CTNNAL1: variants seen among roughly 807,000 people sequenced by gnomAD.
CTNNAL1 encodes catenin alpha like 1, also known as alpha-catulin.
Under a neutral mutation model 93.6 loss-of-function variants are expected in CTNNAL1, and 69 were observed. The ratio of observed to expected loss-of-function variants is 0.74; its 90% confidence interval spans 0.61 to 0.90. CTNNAL1 has a LOEUF of 0.90. Among genes scored for constraint, CTNNAL1 ranks in the 40% least tolerant of loss-of-function variants. CTNNAL1 has a pLI of 0.00. For missense variants in CTNNAL1, 836 were observed against 862.0 expected (o/e 0.97, Z 0.38); for synonymous variants, 286 against 305.4 (o/e 0.94, Z 0.66).
intron 6 of CTNNAL1, among the ~76,000 whole-genome samples, chr9:108,982,414 T>A (rs1427092347): frequency 6.6e-6 from 1 of 152,196 alleles, no homozygotes. Flanking sequence ...ACTAATACTA[T>A]TACTATAGTC....
intron 1 of CTNNAL1, among the ~76,000 whole-genome samples, chr9:109,008,358 G>C (rs1212080427): frequency 6.6e-6 from 1 of 151,790 alleles, no homozygotes; most frequent in African/African-American, 2.4e-5. Context: ...GGTTGGTCAG[G>C]CAGGTCTCAA....
chr9:108,944,806 A>G (rs1357450581), intron 15 of CTNNAL1, among the ~76,000 whole-genome samples: 1 of 152,168 alleles, frequency 6.6e-6, no homozygotes, highest in Non-Finnish European at 1.5e-5. Flanking sequence ...GAATACTAAG[A>G]AGGAGGAGGC....
rs534166580 is a variant in CTNNAL1, at chr9:108,952,410, T to G, written c.1680+34A>C. The G allele has an allele frequency of 9.4e-5, 152 of 1,614,180 alleles. 1 individual carries two copies. In the South Asian group the frequency reaches 1.5e-3, roughly 16 times the overall value. ...CACAACGACTTTATCACTATTCATG[T>G]TAAAGGAAGATTAGATGTAGGAATT... On this transcript the variant is annotated intron_variant, in intron 13 of 18. Transcript: ENST00000325551.
intron 11 of CTNNAL1, among the ~76,000 whole-genome samples, chr9:108,958,952 G>GAA (rs1310333561): frequency 1.6e-4 from 19 of 121,114 alleles, no homozygotes; most frequent in African/African-American, 4.0e-4. Flanking sequence ...ATTCTAAGCA[G>GAA]AAAAAAAAAA....
At chr9:108,976,552 A>T (rs373121069) in intron 8 of CTNNAL1, among the ~76,000 whole-genome samples, 3 of 151,750 alleles carry the variant, frequency 2.0e-5, no homozygotes, top group Admixed American at 6.6e-5. Context: ...TTTTTTTGAG[A>T]CACAGTCTCA....
Position 108,970,392 on chromosome 9 carries a change from A to G in CTNNAL1, c.1440+10T>C. 1 of 1,606,006 alleles carries G rather than the reference A, an allele frequency of 6.2e-7. No homozygotes were observed. The highest frequency in any genetic ancestry group is 8.5e-7 in the Non-Finnish European group (1 of 1,176,780). On this transcript the variant is annotated intron_variant, in intron 10 of 18. Transcript: ENST00000325551. ...CACAATACAGAAGGAGCAATCTGCTATTATCATACCTGTTGGCCAGTCACC... is the reference window on the plus strand; with the variant it reads ...CACAATACAGAAGGAGCAATCTGCTGTTATCATACCTGTTGGCCAGTCACC...
At chr9:109,013,234 C>A (rs1827266867) in intron 1 of CTNNAL1, 68 bp downstream of exon 1, 29 of 1,401,898 alleles carry the variant, frequency 2.1e-5, no homozygotes, top group Non-Finnish European at 2.5e-5. Flanking sequence ...TCCGGTCGTG[C>A]GAGCGGCGGC....
intron 14 of CTNNAL1, among the ~76,000 whole-genome samples, chr9:108,948,564 G>A (rs534331450): frequency 2.0e-5 from 3 of 152,024 alleles, no homozygotes; most frequent in South Asian, 2.1e-4. Context: ...TGTCTTGACC[G>A]AAAGCCTTTG....
chr9:108,943,102 C>T, intron 17 of CTNNAL1, 58 bp from the exon 18 acceptor site: 2 of 1,435,334 alleles, frequency 1.4e-6, no homozygotes, highest in South Asian at 1.3e-5. Flanking sequence ...AAAGACCTTA[C>T]CATTTATTTA....
At chr9:108,997,251 T>A (rs1256426227) in intron 2 of CTNNAL1, among the ~76,000 whole-genome samples, 1 of 152,178 alleles carries the variant, frequency 6.6e-6, no homozygotes, top group Non-Finnish European at 1.5e-5. Context: ...ACCACCTTAA[T>A]GAGTATTTTG....
At chr9:108,963,300 C>T (rs1003513900) in intron 11 of CTNNAL1, among the ~76,000 whole-genome samples, 3 of 152,152 alleles carry the variant, frequency 2.0e-5, no homozygotes, top group South Asian at 2.1e-4. Context: ...TTAGAAACTG[C>T]GAGCATCTCA....
At position 108,942,657 on chromosome 9, in the gene CTNNAL1, T is replaced by C. The variant is rs1164403636; in HGVS notation, c.*112A>G. 7 of 775,608 alleles carry C rather than the reference T, an allele frequency of 9.0e-6. No individual in the cohort carries two copies. The highest frequency in any genetic ancestry group is 1.5e-5 in the Non-Finnish European group (7 of 477,224). The allele number at this position is 775,608 out of a possible 1,614,324, so 48.0% of individuals were successfully genotyped here. A position where few individuals can be genotyped will look rare whatever the true frequency, so the allele number is the denominator to read the frequency against. On this transcript the variant is annotated 3_prime_UTR_variant, in exon 19 of 19. Coordinates refer to ENST00000325551, the MANE Select transcript of CTNNAL1 (RefSeq NM_003798.4). ...ATCAGAAAATAGAGCAAAATTTCAATATTGTTTTCTTTATAAAATTGATGA... is the reference window on the plus strand; with the variant it reads ...ATCAGAAAATAGAGCAAAATTTCAACATTGTTTTCTTTATAAAATTGATGA...
chr9:108,992,113 T>C (rs1354201298), intron 3 of CTNNAL1: 3 of 751,790 alleles, frequency 4.0e-6, no homozygotes, highest in Non-Finnish European at 7.4e-6. Context: ...AGTATTTTTA[T>C]CAACTAGGTT....
At chr9:108,968,031 G>C (rs1831009174) in intron 10 of CTNNAL1, among the ~76,000 whole-genome samples, 1 of 152,152 alleles carries the variant, frequency 6.6e-6, no homozygotes, top group Admixed American at 6.5e-5. Flanking sequence ...CACAGGCACA[G>C]CACTTGCCAA....
chr9:108,985,270 T>C (rs948099415), intron 4 of CTNNAL1, among the ~76,000 whole-genome samples: 1 of 152,224 alleles, frequency 6.6e-6, no homozygotes. Context: ...GTCATTGTAG[T>C]GTGAAAGCAA....
intron 4 of CTNNAL1, among the ~76,000 whole-genome samples, chr9:108,986,845 C>A (rs1234206550): frequency 6.6e-6 from 1 of 152,180 alleles, no homozygotes; most frequent in African/African-American, 2.4e-5. Flanking sequence ...AGTGTCTGTT[C>A]ATATCCTTTG....
chr9:108,943,789 G>A lies in CTNNAL1; in HGVS notation c.1969C>T (p.Leu657Phe). The A allele has an allele frequency of 6.2e-7, 1 of 1,613,726 alleles. No individual in the cohort carries two copies. The highest frequency in any genetic ancestry group is 8.5e-7 in the Non-Finnish European group (1 of 1,179,864). ...QLKDDDKLML[L>F]LEINKLIPLC... The stretch of plus-strand genomic sequence containing the variant: ...GGAATTAGCTTGTTTATTTCCAGGA[G>A]AAGCATAAGCTTGTCATCGTCTTTC... Residue 657 changes from leucine to phenylalanine, a missense_variant, in exon 17 of 19, where the codon CTC becomes TTC. By Grantham distance (22) the Leu-to-Phe change is conservative. Transcript: ENST00000325551.
At chr9:108,949,991 T>C (rs1352233655) in intron 14 of CTNNAL1, among the ~76,000 whole-genome samples, 1 of 136,508 alleles carries the variant, frequency 7.3e-6, no homozygotes, top group East Asian at 2.2e-4. Context: ...GCCACTGCAC[T>C]CCAGCCTGGG....
chr9:109,008,152 CTT>C (rs149753320), intron 1 of CTNNAL1, among the ~76,000 whole-genome samples: 1,382 of 85,170 alleles, frequency 0.016, 7 homozygotes, highest in East Asian at 0.095. Flanking sequence ...ATCCATCTTT[CTT>C]TTTTTTTTTT....
Sources: gnomAD v4.1 joint callset for allele counts (sites outside exome capture counted in the v4.1 genomes callset) on GRCh38, gnomAD v4.1.1 for gene constraint, MANE v1.5 for transcripts, NCBI Gene and HGNC (gene_info 2026-07-23, HGNC 2026-07-21) for gene names.